The following ATP8A2 variants were observed in gnomAD, a reference collection of about 807,000 sequenced individuals.
ATP8A2 encodes the protein ATPase phospholipid transporting 8A2.
In ATP8A2, 100 loss-of-function variants were observed where a neutral mutation model predicts 165.6. The ratio of observed to expected loss-of-function variants is 0.60; its 90% CI spans 0.51 to 0.71. The LOEUF is 0.71. Among genes scored for constraint, ATP8A2 ranks in the 30% least tolerant of loss-of-function variants. ATP8A2 has a pLI of 0.00. For missense variants in ATP8A2, 1,227 were observed against 1,479.5 expected, an observed-to-expected ratio of 0.83 and a Z score of 2.80; for synonymous variants, 543 against 548.8, an observed-to-expected ratio of 0.99 and a Z score of 0.15.
At chr13:25,958,462 AC>A (rs1955582532) in intron 33 of ATP8A2, among the ~76,000 whole-genome samples, 1 of 152,104 alleles carries the variant, frequency 6.6e-6, no homozygotes, top group East Asian at 1.9e-4. Context: ...GCCTAGTCTG[AC>A]CCAGGGCAGT....
In ATP8A2 at chr13:25,860,291, A is replaced by G. The variant is rs529634500; in HGVS notation, c.3018+35A>G. 38 of 1,438,664 alleles carry G rather than the reference A, an allele frequency of 2.6e-5. No individual in the cohort carries two copies. In the South Asian group the frequency reaches 4.1e-4, roughly 15 times the overall value. The allele number at this position is 1,438,664 out of a possible 1,614,324, so 89.1% of individuals were successfully genotyped here. A position where few individuals can be genotyped will look rare whatever the true frequency, so the allele number is the denominator to read the frequency against. Reference sequence around the variant, plus strand: ...TCTCTGTTTATTAAGCCATTCTTAAACAGCTTATGTGTGGCTTGCACTTCT... The same window carrying G: ...TCTCTGTTTATTAAGCCATTCTTAAGCAGCTTATGTGTGGCTTGCACTTCT... On this transcript the variant is annotated intron_variant, in intron 31 of 36. Transcript: ENST00000381655.
At chr13:25,689,984 A>G (rs1206029808) in intron 24 of ATP8A2, among the ~76,000 whole-genome samples, 1 of 152,260 alleles carries the variant, frequency 6.6e-6, no homozygotes, top group Non-Finnish European at 1.5e-5. Flanking sequence ...GAGAGATTTA[A>G]CAGTATTCAA....
chr13:25,739,065 T>G (rs762658759), intron 25 of ATP8A2, among the ~76,000 whole-genome samples: 12 of 152,216 alleles, frequency 7.9e-5, no homozygotes, highest in Admixed American at 1.3e-4. Flanking sequence ...GCTCTTCCAT[T>G]TCTCTTGAAC....
chr13:25,624,915 T>C (rs1196231940), intron 24 of ATP8A2, among the ~76,000 whole-genome samples: 1 of 152,232 alleles, frequency 6.6e-6, no homozygotes, highest in Non-Finnish European at 1.5e-5. Flanking sequence ...CTGATATATT[T>C]GAATCAGCTG....
chr13:25,551,419 T>C lies in ATP8A2; in HGVS notation c.973T>C (p.Leu325=), dbSNP rs1230142008. ...VQILVLFGIL[L]VMALVSSAGA... Reference sequence around the variant, plus strand: ...GATCCTGGTGTTGTTTGGCATCCTCTTGGTCATGGCCTTGGTGAGCTCGGC... The same window carrying C: ...GATCCTGGTGTTGTTTGGCATCCTCCTGGTCATGGCCTTGGTGAGCTCGGC... The change falls in exon 11 of 37, where the codon TTG becomes CTG. Residue 325 remains leucine, a synonymous_variant. Transcript: ENST00000381655. 1 of 1,614,108 alleles carries C rather than the reference T, an allele frequency of 6.2e-7. No individual in the cohort carries two copies. The highest frequency in any genetic ancestry group is 2.2e-5 in the East Asian group (1 of 44,874).
chr13:25,927,033 C>G, intron 33 of ATP8A2: 1 of 426,464 alleles, frequency 2.3e-6, no homozygotes, highest in Admixed American at 2.4e-5. Context: ...CCTTGCCACT[C>G]TCTCCTGTGT....
chr13:25,466,815 C>A (rs144775233), intron 1 of ATP8A2, among the ~76,000 whole-genome samples: 521 of 152,328 alleles, frequency 3.4e-3, no homozygotes, highest in South Asian at 0.012. Context: ...CCTGTCCCTA[C>A]TGTCCTGGAG....
At chr13:25,848,215 T>C (rs751404990) in intron 30 of ATP8A2, among the ~76,000 whole-genome samples, 8 of 152,244 alleles carry the variant, frequency 5.3e-5, no homozygotes, top group Admixed American at 1.3e-4. Context: ...CTGCCTGTCT[T>C]ACCATATCTG....
chr13:25,795,174 AT>A (rs1191377204), intron 27 of ATP8A2, among the ~76,000 whole-genome samples: 4 of 152,202 alleles, frequency 2.6e-5, no homozygotes, highest in African/African-American at 9.7e-5. Context: ...ATTTTCTTGC[AT>A]TCAATTTTCT....
At chr13:25,644,527 T>TTG (rs1555237283) in intron 24 of ATP8A2, among the ~76,000 whole-genome samples, 5 of 151,810 alleles carry the variant, frequency 3.3e-5, no homozygotes, top group African/African-American at 9.7e-5. Context: ...ATTTTTTTTT[T>TTG]TGTGATGTCC....
intron 2 of ATP8A2, among the ~76,000 whole-genome samples, chr13:25,476,227 A>T (rs143931357): frequency 1.3e-5 from 2 of 152,146 alleles, no homozygotes; most frequent in Non-Finnish European, 2.9e-5. Flanking sequence ...ATCTGGTCTT[A>T]ATGCACAAGC....
At chr13:25,981,493 T>G (rs1429408885) in intron 35 of ATP8A2, among the ~76,000 whole-genome samples, 1 of 152,252 alleles carries the variant, frequency 6.6e-6, no homozygotes, top group Non-Finnish European at 1.5e-5. Context: ...TACTAATTAC[T>G]AATCAGTGAC....
intron 35 of ATP8A2, 115 bp downstream of exon 35, chr13:25,968,794 AG>A (rs1955846730): frequency 5.1e-6 from 4 of 779,058 alleles, no homozygotes; most frequent in Middle Eastern, 2.8e-4. Context: ...CAGTATGCTC[AG>A]GCTTAAGAAT....
intron 29 of ATP8A2, among the ~76,000 whole-genome samples, chr13:25,838,146 G>A (rs961512817): frequency 2.6e-5 from 4 of 152,196 alleles, no homozygotes; most frequent in African/African-American, 9.7e-5. Flanking sequence ...GTGTGCTGGT[G>A]GCGGTCATGA....
At chr13:25,980,715 A>G (rs1956157095) in intron 35 of ATP8A2, among the ~76,000 whole-genome samples, 2 of 152,160 alleles carry the variant, frequency 1.3e-5, no homozygotes, top group African/African-American at 4.8e-5. Flanking sequence ...AAAATTGAGT[A>G]AAATCTCTAG....
chr13:25,637,498 G>A (rs148625615), intron 24 of ATP8A2, among the ~76,000 whole-genome samples: 5,246 of 152,262 alleles, frequency 0.034, 151 homozygotes, highest in East Asian at 0.13. Flanking sequence ...CGCCCACAGA[G>A]CCTCACTCAT....
At chr13:25,896,779 A>G (rs1953565479) in intron 33 of ATP8A2, among the ~76,000 whole-genome samples, 1 of 152,060 alleles carries the variant, frequency 6.6e-6, no homozygotes, top group Admixed American at 6.6e-5. Flanking sequence ...TCCCTTTACC[A>G]TTATGTAATG....
rs1953395277 is a variant in ATP8A2 at position 25,892,466 on chromosome 13, C to CTCTGTCTG, written c.3183+30065_3183+30066insGTCTGTCT. Among the ~76,000 whole-genome samples, 5 of 147,382 alleles carry CTCTGTCTG rather than the reference C, an allele frequency of 3.4e-5. No individual in the cohort carries two copies. The Admixed American group carries it at 3.4e-4, about 10-fold the overall frequency. ...AACAAATGGAAACATTTCTCTCTCT[C>CTCTGTCTG]TCTGTCTCTCTGTCTCTCTCTCTCT... On this transcript the variant is annotated intron_variant, in intron 33 of 36. Coordinates refer to ENST00000381655, the MANE Select transcript of ATP8A2 (RefSeq NM_016529.6).
intron 33 of ATP8A2, among the ~76,000 whole-genome samples, chr13:25,952,505 C>G (rs1006727366): frequency 2.0e-5 from 3 of 152,046 alleles, no homozygotes; most frequent in African/African-American, 4.8e-5. Flanking sequence ...CTTAGCCTCC[C>G]AAATTTCTGG....
Sources: allele counts gnomAD v4.1 joint callset (sites outside exome capture counted in the v4.1 genomes callset), GRCh38; gene constraint gnomAD v4.1.1; transcripts MANE v1.5; gene names NCBI Gene and HGNC (gene_info 2026-07-23, HGNC 2026-07-21).